ZNF778: variants seen among roughly 807,000 people sequenced by gnomAD.
ZNF778 encodes the protein zinc finger protein 778.
In ZNF778, 37 loss-of-function variants were observed where a neutral mutation model predicts 23.9. That is an observed-to-expected ratio of 1.54 (90% CI 1.19 to 2.03). ZNF778 has a LOEUF of 2.03. ZNF778 is among the 30% of genes most tolerant of loss of function. The pLI is 0.00. For missense variants in ZNF778, 1,297 were observed against 934.4 expected (o/e 1.39, Z -5.06); for synonymous variants, 483 against 343.9 (o/e 1.40, Z -4.48).
In ZNF778 at chr16:89,234,502, T is replaced by G. The variant is rs971848803; in HGVS notation, c.*5940T>G. 1 of 177,214 alleles carries G rather than the reference T, an allele frequency of 5.6e-6. No homozygotes were observed. Among genetic ancestry groups the G allele is most frequent in the African/African-American group, 2.4e-5 (1 of 41,756 alleles). 11.0% of individuals were successfully genotyped at this position (177,214 alleles called of 1,614,324 possible). A position where few individuals can be genotyped will look rare whatever the true frequency, so the allele number is the denominator to read the frequency against. ...TACCTGGTCTTGTTTTTTCCTGGTT[T>G]GTTTGATCTTTGTTCTTTTTTAGAA... On this transcript the variant is annotated 3_prime_UTR_variant, in exon 7 of 7. Transcript: ENST00000433976.
At position 89,232,642 on chromosome 16, in the gene ZNF778, G is replaced by A. The variant is rs998322417; in HGVS notation, c.*4080G>A. 1 of 1,047,116 alleles carries A rather than the reference G, an allele frequency of 9.6e-7. No individual in the cohort carries two copies. Among genetic ancestry groups the A allele is most frequent in the African/African-American group, 4.7e-5 (1 of 21,504 alleles). The allele number at this position is 1,047,116 out of a possible 1,614,324, so 64.9% of individuals were successfully genotyped here. A position where few individuals can be genotyped will look rare whatever the true frequency, so the allele number is the denominator to read the frequency against. On this transcript the variant is annotated 3_prime_UTR_variant, in exon 7 of 7. Coordinates refer to ENST00000433976, the MANE Select transcript of ZNF778 (RefSeq NM_001201407.2). ...TTAAAGGACCAATTGTATTAATTAT[G>A]TTTTTTTTTTTTTTGTTAGGGTACA... is the stretch of plus-strand genomic sequence containing the variant.
At position 89,228,179 on chromosome 16, in the gene ZNF778, C is replaced by T; in HGVS notation, c.1891C>T (p.His631Tyr). ...CGGAAAGGCCTTCACCACATCCTCA[C>T]ACCTTATCGTGCACATAAGAACCCA... ...VCGKAFTTSS[H>Y]LIVHIRTHTG... Residue 631 changes from histidine to tyrosine, a missense_variant, in exon 7 of 7, where the codon CAC becomes TAC. Physicochemically the swap from His to Tyr is moderately conservative, Grantham distance 83. Transcript: ENST00000433976. 1 of 1,613,422 alleles carries T rather than the reference C, an allele frequency of 6.2e-7. No homozygotes were observed. Among genetic ancestry groups the T allele is most frequent in the Non-Finnish European group, 8.5e-7 (1 of 1,179,572 alleles).
chr16:89,233,729 C>G lies in ZNF778; in HGVS notation c.*5167C>G. On this transcript the variant is annotated 3_prime_UTR_variant, in exon 7 of 7. Transcript: ENST00000433976. ...TCAACTCACTGCGTATGCAACTCAACTCGCACTGCATATGCAACTCAACTC... is the reference window on the plus strand; with the variant it reads ...TCAACTCACTGCGTATGCAACTCAAGTCGCACTGCATATGCAACTCAACTC... The G allele has an allele frequency of 3.9e-6, 4 of 1,017,196 alleles. No individual in the cohort carries two copies. The highest frequency in any genetic ancestry group is 2.7e-4 in the Middle Eastern group (1 of 3,648). The allele number at this position is 1,017,196 out of a possible 1,614,324, so 63.0% of individuals were successfully genotyped here.
rs1046515435 is a variant in ZNF778, at chr16:89,230,362, G to A, written c.*1800G>A. ...ACGGGTGAGAGCCCTGAGTGTCCTTGTTGACCTCCAGATCCTCTTCACAGC... is the reference window on the plus strand; with the variant it reads ...ACGGGTGAGAGCCCTGAGTGTCCTTATTGACCTCCAGATCCTCTTCACAGC... On this transcript the variant is annotated 3_prime_UTR_variant, in exon 7 of 7. Transcript: ENST00000433976. The A allele has an allele frequency of 1.3e-5, 2 of 152,528 alleles. No individual in the cohort carries two copies. Among genetic ancestry groups the A allele is most frequent in the African/African-American group, 2.4e-5 (1 of 41,434 alleles). The allele number at this position is 152,528 out of a possible 1,614,324, so 9.4% of individuals were successfully genotyped here.
Position 89,235,695 on chromosome 16 carries a change from A to C in ZNF778, c.*7133A>C, listed in dbSNP as rs1361749108. 1 of 152,240 alleles carries C rather than the reference A, an allele frequency of 6.6e-6. No individual in the cohort carries two copies. Among genetic ancestry groups the C allele is most frequent in the African/African-American group, 2.4e-5 (1 of 41,458 alleles). 9.4% of individuals were successfully genotyped at this position (152,240 alleles called of 1,614,324 possible). A position where few individuals can be genotyped will look rare whatever the true frequency, so the allele number is the denominator to read the frequency against. On this transcript the variant is annotated 3_prime_UTR_variant, in exon 7 of 7. Transcript: ENST00000433976. Reference sequence around the variant, plus strand: ...AACAGCCTTGGGGAGCAGTGTTATGATACCAAATGGCTAACATTCATGACC... The same window carrying C: ...AACAGCCTTGGGGAGCAGTGTTATGCTACCAAATGGCTAACATTCATGACC...
intron 1 of ZNF778, among the ~76,000 whole-genome samples, chr16:89,219,022 G>A (rs964712082): frequency 5.9e-5 from 9 of 152,058 alleles, no homozygotes; most frequent in African/African-American, 2.2e-4. Flanking sequence ...CAGGAGAATC[G>A]CTTGAACCTG....
In ZNF778 at chr16:89,226,746, C is replaced by T. The variant is rs573727881; in HGVS notation, c.458C>T (p.Ala153Val). ...TGTGACCGCACGCAGTGTGGAGAAG[C>T]TTTCAGTGAACACTCAGGCCTCAGC... ...QLCDRTQCGE[A>V]FSEHSGLSTH... is the part of the protein sequence containing the mutation. The change falls in exon 7 of 7, where the codon GCT (alanine) becomes GTT (valine). Residue 153 changes from alanine (A) to valine (V), a missense_variant. Transcript: ENST00000433976. 1 of 1,613,974 alleles carries T rather than the reference C, an allele frequency of 6.2e-7. No individual in the cohort carries two copies. The highest frequency in any genetic ancestry group is 1.3e-5 in the African/African-American group (1 of 75,048).
At position 89,225,630 on chromosome 16, in the gene ZNF778, C is replaced by G; in HGVS notation, c.404C>G (p.Thr135Arg). 1 of 1,610,980 alleles carries G rather than the reference C, an allele frequency of 6.2e-7. No homozygotes were observed. The highest frequency in any genetic ancestry group is 1.7e-4 in the Middle Eastern group (1 of 6,054). Reference sequence around the variant, plus strand: ...TTCAGAGCATCAAATGAGACACAGACGGTAAGATTAACAAGAGAGATTTTT... The same window carrying G: ...TTCAGAGCATCAAATGAGACACAGAGGGTAAGATTAACAAGAGAGATTTTT... ...SWFRASNETQ[T>R]ARSHNGGQLC... The change falls in exon 6 of 7, where the codon ACG (threonine) becomes AGG (arginine). Residue 135 changes from threonine to arginine, a missense_variant and splice_region_variant. Thr to Arg is a moderately conservative substitution (Grantham distance 71). Transcript: ENST00000433976.
In ZNF778 at chr16:89,229,760, TGAG is replaced by T. The variant is rs2031810971; in HGVS notation, c.*1201_*1203del. On this transcript the variant is annotated 3_prime_UTR_variant, in exon 7 of 7. Transcript: ENST00000433976. ...AGCGTAGGCTCTGGTTGGTTAGTCT[TGAG>T]GATCCAGATGTGATTCTGTGAGCAG... 1.0e-6 allele frequency: 1 copy of T among 984,398 alleles called. No individual in the cohort carries two copies. The highest frequency in any genetic ancestry group is 4.7e-5 in the South Asian group (1 of 21,244). 61.0% of individuals were successfully genotyped at this position (984,398 alleles called of 1,614,324 possible). A position where few individuals can be genotyped will look rare whatever the true frequency, so the allele number is the denominator to read the frequency against.
intron 3 of ZNF778, among the ~76,000 whole-genome samples, chr16:89,222,603 A>G (rs924140213): frequency 2.6e-5 from 4 of 152,146 alleles, no homozygotes; most frequent in Non-Finnish European, 5.9e-5. Flanking sequence ...ATCTCAAGTG[A>G]TCCACCCGCT....
chr16:89,222,187 T>A lies in ZNF778; in HGVS notation c.117+4T>A. ...CTGGCTGATAAATTGTTACCAGGTA[T>A]GCCAAAACTGTATTTTTTCTTAAAA... On this transcript the variant is annotated splice_donor_region_variant and intron_variant, in intron 3 of 6. Transcript: ENST00000433976. The A allele has an allele frequency of 6.3e-7, 1 of 1,593,074 alleles. No individual in the cohort carries two copies. The highest frequency in any genetic ancestry group is 1.3e-5 in the African/African-American group (1 of 74,136).
Position 89,228,102 on chromosome 16 carries a change from C to T in ZNF778, c.1814C>T (p.Thr605Ile). 1 of 1,612,972 alleles carries T rather than the reference C, an allele frequency of 6.2e-7. No homozygotes were observed. The highest frequency in any genetic ancestry group is 8.5e-7 in the Non-Finnish European group (1 of 1,179,160). Residue 605 changes from threonine to isoleucine, a missense_variant, in exon 7 of 7, where the codon ACC becomes ATC. By Grantham distance (89) the Thr-to-Ile change is moderately conservative. Coordinates refer to ENST00000433976, the MANE Select transcript of ZNF778 (RefSeq NM_001201407.2). ...GKTFTVSSSL[T>I]EHIRTHTGEK... ...ACATTCACTGTTTCTTCGAGCCTAA[C>T]CGAGCACATACGAACTCACACTGGA...
rs2031325444 is a variant in ZNF778, at chr16:89,224,870, T to C, written c.328+68T>C. 4 of 1,126,782 alleles carry C rather than the reference T, an allele frequency of 3.5e-6. No individual in the cohort carries two copies. The Admixed American group carries it at 8.1e-5, about 23-fold the overall frequency. 69.8% of individuals were successfully genotyped at this position (1,126,782 alleles called of 1,614,324 possible). A position where few individuals can be genotyped will look rare whatever the true frequency, so the allele number is the denominator to read the frequency against. Reference sequence around the variant, plus strand: ...CTGTGGGAGGATCCTGAGTGTCAAGTTTAGCGGCTATGGAAGGATTGTGTC... The same window carrying C: ...CTGTGGGAGGATCCTGAGTGTCAAGCTTAGCGGCTATGGAAGGATTGTGTC... On this transcript the variant is annotated intron_variant, in intron 5 of 6. Transcript: ENST00000433976.
At position 89,225,572 on chromosome 16, in the gene ZNF778, A is replaced by G. The variant is rs2031404320; in HGVS notation, c.346A>G (p.Lys116Glu). Residue 116 changes from lysine (K) to glutamate (E), a missense_variant, in exon 6 of 7, where the codon AAA (lysine) becomes GAA (glutamate). Coordinates refer to ENST00000433976, the MANE Select transcript of ZNF778 (RefSeq NM_001201407.2). Reference protein sequence around the residue: ...AVLQEWRLKTKGPALRQDRSW... With the variant: ...AVLQEWRLKTEGPALRQDRSW... The stretch of plus-strand genomic sequence containing the variant: ...CTTTTCAGAATGGCGACTTAAAACC[A>G]AAGGGCCAGCACTTCGGCAGGATAG... The G allele has an allele frequency of 6.2e-7, 1 of 1,611,326 alleles. No individual in the cohort carries two copies. Among genetic ancestry groups the G allele is most frequent in the Non-Finnish European group, 8.5e-7 (1 of 1,178,530 alleles).
chr16:89,236,101 C>G lies in ZNF778; in HGVS notation c.*7539C>G, dbSNP rs906109387. On this transcript the variant is annotated 3_prime_UTR_variant, in exon 7 of 7. Transcript: ENST00000433976. ...CTGAGGCAGGAGAATGGCGTGAACC[C>G]GGGAGGCAGAGCATGCAGTGAGCTG... 1 of 152,132 alleles carries G rather than the reference C, an allele frequency of 6.6e-6. No homozygotes were observed. Among genetic ancestry groups the G allele is most frequent in the Middle Eastern group, 3.4e-3 (1 of 296 alleles). 9.4% of individuals were successfully genotyped at this position (152,132 alleles called of 1,614,324 possible).
In ZNF778 at chr16:89,233,801, G is replaced by T. The variant is rs561659398; in HGVS notation, c.*5239G>T. ...TCGCACTGCGTATGCAACTCAGCTC[G>T]CACTGCGTATGCAACTCAACTGTTG... On this transcript the variant is annotated 3_prime_UTR_variant, in exon 7 of 7. Transcript: ENST00000433976. The T allele has an allele frequency of 1.6e-5, 21 of 1,290,380 alleles. No homozygotes were observed. Among genetic ancestry groups the T allele is most frequent in the Admixed American group, 1.1e-4 (5 of 43,556 alleles). The allele number at this position is 1,290,380 out of a possible 1,614,324, so 79.9% of individuals were successfully genotyped here.
In ZNF778 at chr16:89,229,529, G is replaced by A. The variant is rs1170524947; in HGVS notation, c.*967G>A. On this transcript the variant is annotated 3_prime_UTR_variant, in exon 7 of 7. Transcript: ENST00000433976. The stretch of plus-strand genomic sequence containing the variant: ...CAGATGTGATTCTGTGAGCAGCATA[G>A]GCTCTGGTTGGTTAGTCTTGAGGAT... The A allele has an allele frequency of 1.0e-6, 1 of 974,136 alleles. No individual in the cohort carries two copies. Among genetic ancestry groups the A allele is most frequent in the Non-Finnish European group, 1.2e-6 (1 of 827,072 alleles). 60.3% of individuals were successfully genotyped at this position (974,136 alleles called of 1,614,324 possible).
chr16:89,228,338 GCCT>G lies in ZNF778; in HGVS notation c.2055_2057del (p.Ser686del). On this transcript the variant is annotated inframe_deletion, in exon 7 of 7. Transcript: ENST00000433976. ...TAACGAGTGTGGGAAAGCCTTCCGTGCCTCCTCTCACCTGCATAAACATGGAAG... is the reference window on the plus strand; with the variant it reads ...TAACGAGTGTGGGAAAGCCTTCCGTGCCTCTCACCTGCATAAACATGGAAG... 6.2e-7 allele frequency: 1 copy of G among 1,613,658 alleles called. No homozygotes were observed. Among genetic ancestry groups the G allele is most frequent in the Non-Finnish European group, 8.5e-7 (1 of 1,179,700 alleles).
At chr16:89,224,346 C>T (rs1454375922) in intron 4 of ZNF778, among the ~76,000 whole-genome samples, 3 of 152,220 alleles carry the variant, frequency 2.0e-5, no homozygotes, top group Non-Finnish European at 4.4e-5. Context: ...ACGCCAGACG[C>T]AGTGGCTCAT....
Sources: allele counts gnomAD v4.1 joint callset (sites outside exome capture counted in the v4.1 genomes callset), GRCh38; gene constraint gnomAD v4.1.1; transcripts MANE v1.5; gene names NCBI Gene and HGNC (gene_info 2026-07-23, HGNC 2026-07-21).